EPB41L1: variants seen among roughly 807,000 people sequenced by gnomAD.
The protein encoded by EPB41L1 is erythrocyte membrane protein band 4.1 like 1.
EPB41L1 carries 29 observed loss-of-function variants against 97.8 expected under a neutral mutation model. The ratio of observed to expected loss-of-function variants is 0.30; its 90% CI spans 0.22 to 0.40. The LOEUF (loss-of-function observed/expected upper bound fraction) is 0.40. EPB41L1 is among the 10% of genes least tolerant of loss of function. The probability of loss-of-function intolerance (pLI) is 1.00; values close to 1 mark genes in which losing one functional copy is unlikely to be tolerated. For synonymous variants in EPB41L1, 383 were observed against 459.2 expected (o/e 0.83, Z 2.12); for missense variants, 812 against 1,162.3 (o/e 0.70, Z 4.38).
intron 2 of EPB41L1, among the ~76,000 whole-genome samples, chr20:36,145,823 C>T (rs1265812526): frequency 1.3e-5 from 2 of 152,194 alleles, no homozygotes; most frequent in Non-Finnish European, 2.9e-5. Context: ...CTAGACAGTG[C>T]AGTGCACTTG....
chr20:36,118,793 A>C (rs1297378432), intron 2 of EPB41L1, among the ~76,000 whole-genome samples: 4 of 152,184 alleles, frequency 2.6e-5, no homozygotes, highest in Non-Finnish European at 5.9e-5. Context: ...TTTACTTAAA[A>C]ATTTTGTTTT....
At chr20:36,224,375 C>T (rs368077223) in intron 21 of EPB41L1, among the ~76,000 whole-genome samples, 19 of 152,298 alleles carry the variant, frequency 1.2e-4, no homozygotes, top group African/African-American at 4.3e-4. Context: ...TGGCCAGGCA[C>T]GGTGGCTTAT....
intron 1 of EPB41L1, among the ~76,000 whole-genome samples, chr20:36,167,821 G>T (rs1030753767): frequency 6.6e-6 from 1 of 152,160 alleles, no homozygotes; most frequent in East Asian, 1.9e-4. Context: ...ATAAACTCTA[G>T]GAGGGCCCAA....
At chr20:36,229,301 C>A in intron 21 of EPB41L1, 31 bp from the exon 22 acceptor site, 3 of 1,599,090 alleles carry the variant, frequency 1.9e-6, no homozygotes, top group South Asian at 1.1e-5. Context: ...ACTCCCCACC[C>A]CCCATTCTAC....
intron 1 of EPB41L1, among the ~76,000 whole-genome samples, chr20:36,101,542 A>C (rs902709402): frequency 1.3e-5 from 2 of 152,124 alleles, no homozygotes; most frequent in African/African-American, 4.8e-5. Flanking sequence ...CTATCCACAG[A>C]GCCACTCTTC....
Position 36,209,903 on chromosome 20 carries a change from A to G in EPB41L1, c.2079+5A>G. On this transcript the variant is annotated splice_donor_5th_base_variant and intron_variant, in intron 15 of 21. Transcript: ENST00000338074. The surrounding 1 kb of genome is among the most constrained non-coding windows in gnomAD (Gnocchi z 4.2). The stretch of plus-strand genomic sequence containing the variant: ...CCGGATATGCCCCAGTTTGAGGTAC[A>G]GTGGAGCTTCCTCAAGAGCCAGGCC... 1 of 1,613,000 alleles carries G rather than the reference A, an allele frequency of 6.2e-7. No homozygotes were observed. Among genetic ancestry groups the G allele is most frequent in the Non-Finnish European group, 8.5e-7 (1 of 1,179,936 alleles).
rs76261745 is a variant in EPB41L1, at chr20:36,195,759, G to C, written c.1485+395G>C. Reference sequence around the variant, plus strand: ...CACCCCTTCCCTAGATTCATCTCCTGCCCGACAGCACTGTTTGGTCTCGCC... The same window carrying C: ...CACCCCTTCCCTAGATTCATCTCCTCCCCGACAGCACTGTTTGGTCTCGCC... On this transcript the variant is annotated intron_variant, in intron 13 of 21. Coordinates refer to ENST00000338074, the MANE Select transcript of EPB41L1 (RefSeq NM_012156.2). This position sits in a 1 kb window ranked among gnomAD's most constrained non-coding sequence, Gnocchi z 4.6. Among the ~76,000 whole-genome samples the C allele has an allele frequency of 0.045, 6,807 of 152,078 alleles. 376 individuals carry two copies. The highest frequency in any genetic ancestry group is 0.13 in the East Asian group (663 of 5,164).
chr20:36,149,364 T>C (rs1231013663), intron 2 of EPB41L1, among the ~76,000 whole-genome samples: 1 of 152,210 alleles, frequency 6.6e-6, no homozygotes, highest in African/African-American at 2.4e-5. Flanking sequence ...GGCATCCTCA[T>C]CATTCCACAC....
At chr20:36,174,447 A>AT (rs2061137867) in intron 2 of EPB41L1, among the ~76,000 whole-genome samples, 1 of 151,696 alleles carries the variant, frequency 6.6e-6, no homozygotes, top group Admixed American at 6.6e-5. Flanking sequence ...TAATTTATAT[A>AT]TTTTTAGTAA....
chr20:36,170,767 T>C (rs1176671499), intron 1 of EPB41L1, among the ~76,000 whole-genome samples: 1 of 152,178 alleles, frequency 6.6e-6, no homozygotes, highest in Non-Finnish European at 1.5e-5. Flanking sequence ...GAAATGACTG[T>C]CAGTCGTCTT....
In EPB41L1 at chr20:36,092,481, AGCTCCGGCG is replaced by A. The variant is rs903667673; in HGVS notation, c.-65+888_-65+896del. Among the ~76,000 whole-genome samples the A allele has an allele frequency of 1.4e-4, 21 of 151,944 alleles. No individual in the cohort carries two copies. The highest frequency in any genetic ancestry group is 3.9e-4 in the East Asian group (2 of 5,118). ...CTCCCCGGGACCGGCGCGCGGCCCCAGCTCCGGCGGCTCCGGCGGCTCCGGCGCTCCCCT... is the reference window on the plus strand; with the variant it reads ...CTCCCCGGGACCGGCGCGCGGCCCCAGCTCCGGCGGCTCCGGCGCTCCCCT... On this transcript the variant is annotated intron_variant, in intron 1 of 19. Coordinates refer to the EPB41L1 transcript ENST00000202028. The surrounding 1 kb of genome is among the most constrained non-coding windows in gnomAD (Gnocchi z 7.0).
chr20:36,178,236 AC>A (rs1468242551), intron 4 of EPB41L1, among the ~76,000 whole-genome samples, 180 bp downstream of exon 4: 9 of 152,068 alleles, frequency 5.9e-5, no homozygotes, highest in Non-Finnish European at 1.3e-4. Context: ...TTGGTGACAT[AC>A]AGGTCACCCC....
In EPB41L1 at chr20:36,190,108, C is replaced by T. The variant is rs569759478; in HGVS notation, c.1027-169C>T. ...GGAGGATCTCTTGAGCCCAGGAATT[C>T]AAGGTTACAGTGAGCTATGATTGCG... On this transcript the variant is annotated intron_variant, in intron 9 of 21. Coordinates refer to ENST00000338074, the MANE Select transcript of EPB41L1 (RefSeq NM_012156.2). This position sits in a 1 kb window ranked among gnomAD's most constrained non-coding sequence, Gnocchi z 5.8. Among the ~76,000 whole-genome samples the T allele has an allele frequency of 6.6e-6, 1 of 152,196 alleles. No individual in the cohort carries two copies. Among genetic ancestry groups the T allele is most frequent in the East Asian group, 1.9e-4 (1 of 5,168 alleles).
chr20:36,194,704 A>G (rs1409634117), intron 12 of EPB41L1, among the ~76,000 whole-genome samples: 1 of 152,158 alleles, frequency 6.6e-6, no homozygotes, highest in African/African-American at 2.4e-5. Context: ...CTTCCTCCTC[A>G]GAGCATGACC....
chr20:36,169,324 TCTGC>T (rs1195031164), intron 1 of EPB41L1, among the ~76,000 whole-genome samples: 1 of 151,970 alleles, frequency 6.6e-6, no homozygotes, highest in African/African-American at 2.4e-5. Context: ...TGGATCTGGG[TCTGC>T]CTGACTCCAC....
intron 20 of EPB41L1, 129 bp downstream of exon 20, chr20:36,222,073 T>C: frequency 9.0e-7 from 1 of 1,109,162 alleles, no homozygotes; most frequent in Non-Finnish European, 1.4e-6. Flanking sequence ...CCTGTTCAGA[T>C]AAGAAACCCC....
intron 1 of EPB41L1, among the ~76,000 whole-genome samples, chr20:36,168,018 A>G (rs770799192): frequency 2.0e-5 from 3 of 152,126 alleles, no homozygotes; most frequent in Non-Finnish European, 4.4e-5. Context: ...CAGTTGATTC[A>G]TTTTTTAAGG....
intron 2 of EPB41L1, among the ~76,000 whole-genome samples, chr20:36,147,588 AGGG>A (rs1648670125): frequency 6.6e-6 from 1 of 152,234 alleles, no homozygotes; most frequent in South Asian, 2.1e-4. Flanking sequence ...TCTGCCTTAC[AGGG>A]AAGTAGGAGA....
chr20:36,153,959 C>T (rs2060162944), upstream of EPB41L1, among the ~76,000 whole-genome samples: 1 of 152,142 alleles, frequency 6.6e-6, no homozygotes, highest in African/African-American at 2.4e-5. Flanking sequence ...TTTCCTGGAG[C>T]TCAGGTGCAC....
Sources: gnomAD v4.1 joint callset for allele counts (sites outside exome capture counted in the v4.1 genomes callset) on GRCh38, gnomAD v4.1.1 for gene constraint, Gnocchi (gnomAD v3.1) non-coding constraint, MANE v1.5 for transcripts, NCBI Gene and HGNC (gene_info 2026-07-23, HGNC 2026-07-21) for gene names.